IGF2BP2: variants seen among roughly 807,000 people sequenced by gnomAD.
The protein encoded by IGF2BP2 is insulin-like growth factor 2 mRNA-binding protein 2.
Under a neutral mutation model 75.8 loss-of-function variants are expected in IGF2BP2, and 17 were observed. The ratio of observed to expected loss-of-function variants is 0.22; its 90% CI spans 0.15 to 0.34. The LOEUF (loss-of-function observed/expected upper bound fraction) is 0.34. Ranked by LOEUF, IGF2BP2 falls within the 10% of genes least tolerant of loss-of-function variation. The pLI is 1.00. For missense variants in IGF2BP2, 516 were observed against 772.4 expected (o/e 0.67, Z 3.93); for synonymous variants, 288 against 295.6 (o/e 0.97, Z 0.26).
intron 4 of IGF2BP2, chr3:185,696,399 C>T (rs77524931): frequency 3.6e-6 from 2 of 549,952 alleles, no homozygotes; most frequent in Non-Finnish European, 6.4e-6. Flanking sequence ...TAATATTCCT[C>T]GAAAAGGCAA....
intron 2 of IGF2BP2, among the ~76,000 whole-genome samples, chr3:185,782,277 G>A (rs965820451): frequency 1.3e-5 from 2 of 152,114 alleles, no homozygotes; most frequent in African/African-American, 2.4e-5. Context: ...TTTCTTAGAT[G>A]AGAAAACAAC....
intron 2 of IGF2BP2, among the ~76,000 whole-genome samples, chr3:185,802,364 G>A (rs1738404989): frequency 7.5e-6 from 1 of 133,588 alleles, no homozygotes; most frequent in Non-Finnish European, 1.6e-5. Flanking sequence ...TGTTGGAATG[G>A]TAAGGTGGAA....
intron 10 of IGF2BP2, among the ~76,000 whole-genome samples, chr3:185,667,101 T>C (rs1717759475): frequency 6.6e-6 from 1 of 152,240 alleles, no homozygotes; most frequent in South Asian, 2.1e-4. Context: ...TTTGATTTAG[T>C]GAATGAGATT....
chr3:185,781,126 G>A (rs1046319540), intron 2 of IGF2BP2, among the ~76,000 whole-genome samples: 8 of 151,966 alleles, frequency 5.3e-5, no homozygotes, highest in African/African-American at 1.7e-4. Flanking sequence ...AACAACCCAA[G>A]GAAATAAGGC....
At chr3:185,700,795 C>G (rs1228748078) in intron 2 of IGF2BP2, among the ~76,000 whole-genome samples, 1 of 151,960 alleles carries the variant, frequency 6.6e-6, no homozygotes, top group East Asian at 1.9e-4. Context: ...AGAGTGCATA[C>G]AATCTAAATA....
chr3:185,784,022 G>A (rs1286001252), intron 2 of IGF2BP2, among the ~76,000 whole-genome samples: 2 of 152,144 alleles, frequency 1.3e-5, no homozygotes, highest in East Asian at 3.8e-4. Context: ...ATCACCTGAG[G>A]TCAGGAGTTC....
intron 11 of IGF2BP2, among the ~76,000 whole-genome samples, 153 bp from the exon 12 acceptor site, chr3:185,657,555 G>A (rs921816668): frequency 6.6e-6 from 1 of 152,222 alleles, no homozygotes; most frequent in African/African-American, 2.4e-5. Flanking sequence ...ATCCTTCTGC[G>A]GCCTGCGGCT....
chr3:185,667,465 C>A (rs1717824939), intron 10 of IGF2BP2, among the ~76,000 whole-genome samples: 2 of 151,982 alleles, frequency 1.3e-5, no homozygotes, highest in South Asian at 4.2e-4. Context: ...CCAGCCTGGG[C>A]AACATAGCAC....
intron 2 of IGF2BP2, among the ~76,000 whole-genome samples, chr3:185,716,191 A>C (rs1249327638): frequency 6.6e-6 from 1 of 151,564 alleles, no homozygotes; most frequent in African/African-American, 2.4e-5. Flanking sequence ...CAGAACTTTT[A>C]TTTTTTTAGT....
intron 2 of IGF2BP2, among the ~76,000 whole-genome samples, chr3:185,701,332 CTTAT>C (rs1304516504): frequency 7.6e-6 from 1 of 131,176 alleles, no homozygotes; most frequent in Non-Finnish European, 1.6e-5. Context: ...ATATACAAGA[CTTAT>C]TTTTTTTAAA....
chr3:185,675,009 CTTT>C lies in IGF2BP2; in HGVS notation c.1071+284_1071+286del, dbSNP rs777364824. ...ACCACACCCAGTTATTCTTGCTTTTCTTTTTTTTTTTTTTTTTTTTTTTATTCT... is the reference window on the plus strand; with the variant it reads ...ACCACACCCAGTTATTCTTGCTTTTCTTTTTTTTTTTTTTTTTTTTATTCT... On this transcript the variant is annotated intron_variant, in intron 9 of 15. Transcript: ENST00000382199. The C allele has an allele frequency of 3.3e-3, 365 of 110,022 alleles. 2 individuals are homozygous for C. Among genetic ancestry groups the C allele is most frequent in the Middle Eastern group, 4.8e-3 (1 of 208 alleles). 6.8% of individuals were successfully genotyped at this position (110,022 alleles called of 1,614,324 possible). A position where few individuals can be genotyped will look rare whatever the true frequency, so the allele number is the denominator to read the frequency against.
At chr3:185,792,659 C>T (rs546413541) in intron 2 of IGF2BP2, among the ~76,000 whole-genome samples, 2 of 150,780 alleles carry the variant, frequency 1.3e-5, no homozygotes, top group Non-Finnish European at 2.9e-5. Context: ...CCCAGCTACT[C>T]GGGAGAGTGA....
At chr3:185,764,656 T>G (rs1201962390) in intron 2 of IGF2BP2, among the ~76,000 whole-genome samples, 1 of 152,138 alleles carries the variant, frequency 6.6e-6, no homozygotes, top group Non-Finnish European at 1.5e-5. Context: ...TGATTCCCAG[T>G]GGGGAGATTC....
chr3:185,649,520 G>A lies in IGF2BP2; in HGVS notation c.1476C>T (p.Ile492=), dbSNP rs1714196526. Residue 492 remains isoleucine, a synonymous_variant, in exon 14 of 16, where the codon ATC becomes ATT. Coordinates refer to ENST00000382199, the MANE Select transcript of IGF2BP2 (RefSeq NM_006548.6). ...AGTTTTCCTCTTTCAGTTTCCCAAA[G>A]ATCCGTCCCTGGGCCTGAGAGAGCA... ...PEAQFKAQGR[I]FGKLKEENFF... The A allele has an allele frequency of 1.2e-6, 2 of 1,614,022 alleles. No homozygotes were observed. The highest frequency in any genetic ancestry group is 2.7e-5 in the African/African-American group (2 of 74,908).
intron 7 of IGF2BP2, among the ~76,000 whole-genome samples, chr3:185,685,499 C>A (rs958487249): frequency 1.3e-5 from 2 of 152,046 alleles, no homozygotes; most frequent in Non-Finnish European, 2.9e-5. Flanking sequence ...CTTATGAAAT[C>A]TAAGAATAGA....
rs2149998381 is a variant in IGF2BP2, at chr3:185,809,190, G to A, written c.239+13963C>T. Among the ~76,000 whole-genome samples the A allele has an allele frequency of 1.3e-5, 2 of 150,752 alleles. 1 individual carries two copies. The highest frequency in any genetic ancestry group is 4.2e-4 in the South Asian group (2 of 4,772). On this transcript the variant is annotated intron_variant, in intron 2 of 15. Transcript: ENST00000382199. ...TTTTTAATGGAATTTGACTTTCAGG[G>A]AGAAATACCTATAAGGAAAATTATA...
At chr3:185,808,199 G>A (rs756753661) in intron 2 of IGF2BP2, among the ~76,000 whole-genome samples, 1 of 151,964 alleles carries the variant, frequency 6.6e-6, no homozygotes, top group African/African-American at 2.4e-5. Context: ...ATAGAGGCCG[G>A]GCATGGTGGC....
intron 2 of IGF2BP2, among the ~76,000 whole-genome samples, chr3:185,779,271 G>C (rs957050894): frequency 6.6e-6 from 1 of 152,076 alleles, no homozygotes; most frequent in Admixed American, 6.6e-5. Flanking sequence ...ACTTTAAAGG[G>C]ATCTTTCTTC....
At chr3:185,710,778 G>T (rs1235565120) in intron 2 of IGF2BP2, among the ~76,000 whole-genome samples, 1 of 151,818 alleles carries the variant, frequency 6.6e-6, no homozygotes, top group African/African-American at 2.4e-5. Context: ...AGTGATTCTG[G>T]TTACTTGCTC....
Sources: allele counts gnomAD v4.1 joint callset (sites outside exome capture counted in the v4.1 genomes callset), GRCh38; gene constraint gnomAD v4.1.1; transcripts MANE v1.5; gene names NCBI Gene and HGNC (gene_info 2026-07-23, HGNC 2026-07-21).